The following NOP58 variants were observed in gnomAD, a reference collection of about 807,000 sequenced individuals.
The protein encoded by NOP58 is NOP58 ribonucleoprotein, also known as nucleolar protein 58.
A neutral mutation model predicts 71.2 loss-of-function variants in NOP58; 44 were observed. The observed-to-expected ratio is 0.62, with a 90% CI of 0.49 to 0.79. The LOEUF is 0.79. Ranked by LOEUF, NOP58 falls within the 30% of genes least tolerant of loss-of-function variation. NOP58 has a pLI of 0.00. For synonymous variants in NOP58, 228 were observed against 200.3 expected, an observed-to-expected ratio of 1.14 and a Z score of -1.17; for missense variants, 538 against 620.2, an observed-to-expected ratio of 0.87 and a Z score of 1.41.
At chr2:202,282,634 C>G (rs1688725053) in intron 4 of NOP58, among the ~76,000 whole-genome samples, 162 bp downstream of exon 4, 1 of 152,068 alleles carries the variant, frequency 6.6e-6, no homozygotes, top group South Asian at 2.1e-4. Flanking sequence ...ATCAGCTGAA[C>G]TGAGCAAATA....
intron 4 of NOP58, 133 bp downstream of exon 4, chr2:202,282,605 A>T (rs1688724814): frequency 1.4e-5 from 11 of 812,546 alleles, no homozygotes; most frequent in Admixed American, 9.8e-5. Flanking sequence ...AAGCTACATG[A>T]TAATGGATTT....
chr2:202,302,083 CTT>C (rs71031885), intron 13 of NOP58, among the ~76,000 whole-genome samples: 314 of 90,556 alleles, frequency 3.5e-3, no homozygotes, highest in African/African-American at 0.011. Flanking sequence ...TTTTTTTTTT[CTT>C]TTTTTTTTTT....
chr2:202,267,976 A>G (rs1452613388), intron 1 of NOP58, among the ~76,000 whole-genome samples: 1 of 152,166 alleles, frequency 6.6e-6, no homozygotes, highest in Non-Finnish European at 1.5e-5. Context: ...GAATATGTTG[A>G]CATTGATTAG....
intron 10 of NOP58, among the ~76,000 whole-genome samples, 182 bp downstream of exon 10, chr2:202,296,019 CTG>C (rs1186132650): frequency 6.6e-6 from 1 of 151,972 alleles, no homozygotes; most frequent in Non-Finnish European, 1.5e-5. Context: ...TTAGAAGAAA[CTG>C]TTATTGGTTG....
intron 1 of NOP58, among the ~76,000 whole-genome samples, chr2:202,272,531 C>T (rs1688528049): frequency 6.6e-6 from 1 of 152,090 alleles, no homozygotes; most frequent in South Asian, 2.1e-4. Context: ...TAGAGTCACA[C>T]AAAGCAATAA....
chr2:202,294,087 G>A (rs1227522680), intron 9 of NOP58, among the ~76,000 whole-genome samples: 3 of 151,510 alleles, frequency 2.0e-5, no homozygotes, highest in Non-Finnish European at 2.9e-5. Flanking sequence ...AGCTGAGGTG[G>A]GTGGGTCACC....
Position 202,292,829 on chromosome 2 carries a change from G to A in NOP58, c.833G>A (p.Arg278Gln). The A allele has an allele frequency of 6.2e-7, 1 of 1,613,126 alleles. No individual in the cohort carries two copies. The highest frequency in any genetic ancestry group is 8.5e-7 in the Non-Finnish European group (1 of 1,179,144). Residue 278 changes from arginine (R) to glutamine (Q), a missense_variant, in exon 9 of 15, where the codon CGA (arginine) becomes CAA (glutamine). Coordinates refer to ENST00000264279, the MANE Select transcript of NOP58 (RefSeq NM_015934.5). ...CAGCTCTATGAATATCTACAAAATC[G>A]AATGATGGCCATTGCACCCAATGTT... ...RTQLYEYLQN[R>Q]MMAIAPNVTV...
intron 6 of NOP58, among the ~76,000 whole-genome samples, chr2:202,289,466 G>T (rs1688850994): frequency 6.6e-6 from 1 of 152,124 alleles, no homozygotes; most frequent in Non-Finnish European, 1.5e-5. Context: ...TACCTTCAAG[G>T]TTTTGTATAT....
intron 5 of NOP58, among the ~76,000 whole-genome samples, chr2:202,286,249 C>T (rs562777043): frequency 1.4e-5 from 2 of 148,114 alleles, no homozygotes; most frequent in South Asian, 2.2e-4. Context: ...GCCTGTAATA[C>T]ATCCCAGCAC....
intron 1 of NOP58, among the ~76,000 whole-genome samples, chr2:202,273,171 T>C (rs1688538056): frequency 6.6e-6 from 1 of 152,072 alleles, no homozygotes; most frequent in South Asian, 2.1e-4. Context: ...ATTCTAAAAC[T>C]GAAGTTAAAA....
At chr2:202,268,020 T>C (rs1688445993) in intron 1 of NOP58, among the ~76,000 whole-genome samples, 1 of 152,204 alleles carries the variant, frequency 6.6e-6, no homozygotes, top group Non-Finnish European at 1.5e-5. Flanking sequence ...TGATCGTTTC[T>C]GAGTATAAAA....
At position 202,291,230 on chromosome 2, in the gene NOP58, C is replaced by A; in HGVS notation, c.740C>A (p.Ser247Ter). ...AAEISMGTEV[S>*]EEDICNILHL... ...GAGATATCAATGGGAACAGAGGTTT[C>A]AGAAGAAGATATTTGCAATATTCTG... The change falls in exon 8 of 15, where the codon TCA becomes TAA. Residue 247 changes from serine (S) to a stop codon, truncating the protein, a stop_gained. Coordinates refer to ENST00000264279, the MANE Select transcript of NOP58 (RefSeq NM_015934.5). LOFTEE classifies it high-confidence loss of function. 6.2e-7 allele frequency: 1 copy of A among 1,609,922 alleles called. No individual in the cohort carries two copies. The highest frequency in any genetic ancestry group is 8.5e-7 in the Non-Finnish European group (1 of 1,179,018).
intron 6 of NOP58, among the ~76,000 whole-genome samples, chr2:202,289,601 G>C (rs558340154): frequency 2.0e-5 from 3 of 152,162 alleles, no homozygotes; most frequent in African/African-American, 7.2e-5. Flanking sequence ...CGTACACCCA[G>C]CCACTTCACA....
intron 12 of NOP58, among the ~76,000 whole-genome samples, chr2:202,299,169 A>T (rs975008541): frequency 2.0e-5 from 3 of 152,092 alleles, no homozygotes; most frequent in South Asian, 2.1e-4. Context: ...CATGTTGGCC[A>T]GGATGGTCTT....
At chr2:202,269,892 T>A (rs1293591307) in intron 1 of NOP58, among the ~76,000 whole-genome samples, 2 of 152,220 alleles carry the variant, frequency 1.3e-5, no homozygotes, top group Non-Finnish European at 2.9e-5. Flanking sequence ...TCACATGAGA[T>A]GTAACTGATA....
intron 3 of NOP58, 95 bp from the exon 4 acceptor site, chr2:202,282,256 A>G: frequency 1.1e-6 from 1 of 884,718 alleles, no homozygotes; most frequent in Non-Finnish European, 1.7e-6. Flanking sequence ...AGCCCTTTGA[A>G]AGGCCTATTT....
At chr2:202,278,293 G>A in intron 3 of NOP58, 1 of 531,354 alleles carries the variant, frequency 1.9e-6, no homozygotes, top group Non-Finnish European at 3.7e-6. Flanking sequence ...TAATGCTGAA[G>A]CACAATTCAG....
At position 202,274,541 on chromosome 2, in the gene NOP58, G is replaced by A. The variant is rs1004974550; in HGVS notation, c.46-572G>A. ...ACAGATGTGAGCCACCATGCTTGGC[G>A]CAAATTAAAGTTTTTAATGATTACA... is the stretch of plus-strand genomic sequence containing the variant. On this transcript the variant is annotated intron_variant, in intron 1 of 14. Transcript: ENST00000264279. Among the ~76,000 whole-genome samples the A allele has an allele frequency of 8.5e-4, 129 of 151,598 alleles. No homozygotes were observed. In the Middle Eastern group the frequency reaches 0.02, roughly 24 times the overall value.
Position 202,300,864 on chromosome 2 carries a change from C to T in NOP58, c.1402+497C>T, listed in dbSNP as rs535698843. On this transcript the variant is annotated intron_variant, in intron 13 of 14. Transcript: ENST00000264279. ...TTGTGAAGTTGATAAGCAGGCGCCC[C>T]ATTATTAGTTACACCTGGGTTTATT... is the stretch of plus-strand genomic sequence containing the variant. Among the ~76,000 whole-genome samples, 4 of 152,240 alleles carry T rather than the reference C, an allele frequency of 2.6e-5. No homozygotes were observed. The East Asian group carries it at 5.8e-4, about 22-fold the overall frequency.
Sources: allele counts gnomAD v4.1 joint callset (sites outside exome capture counted in the v4.1 genomes callset), GRCh38; gene constraint gnomAD v4.1.1; transcripts MANE v1.5; gene names NCBI Gene and HGNC (gene_info 2026-07-23, HGNC 2026-07-21).